Variants in GRID2 observed in about 807,000 individuals in gnomAD.
GRID2 encodes the protein glutamate receptor ionotropic, delta-2.
Under a neutral mutation model 114.8 loss-of-function variants are expected in GRID2, and 33 were observed. The ratio of observed to expected loss-of-function variants is 0.29; its 90% CI spans 0.22 to 0.38. GRID2 has a LOEUF of 0.38. GRID2 is among the 10% of genes least tolerant of loss of function. The probability of loss-of-function intolerance (pLI) is 1.00; values close to 1 mark genes in which losing one functional copy is unlikely to be tolerated. For synonymous variants in GRID2, 505 were observed against 449.9 expected (o/e 1.12, Z -1.55); for missense variants, 1,184 against 1,257.7 (o/e 0.94, Z 0.89).
chr4:93,543,073 G>A (rs6532413), intron 13 of GRID2, among the ~76,000 whole-genome samples: 1 of 152,110 alleles, frequency 6.6e-6, no homozygotes, highest in Non-Finnish European at 1.5e-5. Context: ...TCACTGATTC[G>A]CACTGCATCC....
intron 1 of GRID2, among the ~76,000 whole-genome samples, chr4:92,322,876 T>C (rs1337442779): frequency 2.6e-5 from 4 of 152,142 alleles, no homozygotes; most frequent in Non-Finnish European, 5.9e-5. Flanking sequence ...AAAGGACAAA[T>C]AGCTAAGTAT....
At chr4:93,322,812 T>C (rs568855004) in intron 8 of GRID2, among the ~76,000 whole-genome samples, 2 of 152,326 alleles carry the variant, frequency 1.3e-5, no homozygotes, top group East Asian at 1.9e-4. Flanking sequence ...ATGAGCATTT[T>C]TTCATGTGTT....
intron 7 of GRID2, among the ~76,000 whole-genome samples, chr4:93,232,492 C>G (rs1746262814): frequency 6.8e-6 from 1 of 146,742 alleles, no homozygotes; most frequent in Admixed American, 6.9e-5. Context: ...ATATGTTGAG[C>G]CCAACATATA....
chr4:92,426,772 T>G (rs1041554547), intron 1 of GRID2, among the ~76,000 whole-genome samples: 6 of 152,156 alleles, frequency 3.9e-5, no homozygotes, highest in Non-Finnish European at 8.8e-5. Context: ...CATTTGTTCA[T>G]GGACCTGAAG....
intron 1 of GRID2, among the ~76,000 whole-genome samples, chr4:92,406,421 A>G (rs1043229239): frequency 6.6e-6 from 1 of 152,160 alleles, no homozygotes. Context: ...TAATGATTTC[A>G]TTTTAGAAAA....
At chr4:92,600,044 G>GTGTATATATATATATA (rs1206780169) in intron 2 of GRID2, among the ~76,000 whole-genome samples, 9 of 54,430 alleles carry the variant, frequency 1.7e-4, no homozygotes, top group Non-Finnish European at 2.4e-4. Flanking sequence ...GTGTGTGTGT[G>GTGTATATATATATATA]TATATATATA....
intron 11 of GRID2, among the ~76,000 whole-genome samples, chr4:93,471,698 A>ATTTTTTTTTTTTTTCTTTTTTTTTTTT (rs1724816579): frequency 1.6e-5 from 1 of 61,008 alleles, no homozygotes; most frequent in Non-Finnish European, 3.2e-5. Flanking sequence ...CCTGAATTCA[A>ATTTTTTTTTTTTTTCTTTTTTTTTTTT]TTTTTTTTTT....
chr4:93,580,772 T>G (rs2149593638), intron 13 of GRID2, among the ~76,000 whole-genome samples: 1 of 151,926 alleles, frequency 6.6e-6, no homozygotes, highest in Admixed American at 6.6e-5. Context: ...TTCTTTTTTT[T>G]GGTATTGGTA....
chr4:92,638,498 A>T (rs1307227851), intron 2 of GRID2, among the ~76,000 whole-genome samples: 11 of 147,850 alleles, frequency 7.4e-5, no homozygotes, highest in Non-Finnish European at 1.5e-5. Context: ...ATAAAATTTT[A>T]TATATATAGC....
intron 14 of GRID2, among the ~76,000 whole-genome samples, chr4:93,661,447 C>T (rs557392188): frequency 1.3e-5 from 2 of 152,212 alleles, no homozygotes; most frequent in East Asian, 1.9e-4. Flanking sequence ...TCTGATACTC[C>T]TAAGTGCAAG....
chr4:92,444,515 T>G (rs918562433), intron 1 of GRID2, among the ~76,000 whole-genome samples: 1 of 152,118 alleles, frequency 6.6e-6, no homozygotes, highest in Non-Finnish European at 1.5e-5. Context: ...ACACTTCTTT[T>G]GTGGTGGAAT....
intron 2 of GRID2, among the ~76,000 whole-genome samples, chr4:92,764,716 T>C (rs1738179316): frequency 5.3e-5 from 8 of 152,240 alleles, no homozygotes; most frequent in Admixed American, 5.2e-4. Context: ...ATGAGCAGGA[T>C]CCATGTCTTC....
chr4:93,529,782 C>T (rs2149511986), intron 13 of GRID2, among the ~76,000 whole-genome samples: 1 of 152,208 alleles, frequency 6.6e-6, no homozygotes, highest in South Asian at 2.1e-4. Flanking sequence ...AGGGGCATAT[C>T]AAGTGGCAAA....
chr4:92,371,393 C>T (rs1427217061), intron 1 of GRID2, among the ~76,000 whole-genome samples: 1 of 152,122 alleles, frequency 6.6e-6, no homozygotes, highest in Non-Finnish European at 1.5e-5. Context: ...GGCTGACTCT[C>T]ATGTTAGGGG....
At position 92,598,319 on chromosome 4, in the gene GRID2, A is replaced by G. The variant is rs1194832060; in HGVS notation, c.244+8033A>G. 2.6e-5 allele frequency among the ~76,000 whole-genome samples: 4 copies of G among 152,234 alleles called. No individual in the cohort carries two copies. The East Asian group carries it at 5.8e-4, about 22-fold the overall frequency. On this transcript the variant is annotated intron_variant, in intron 2 of 15. Coordinates refer to ENST00000282020, the MANE Select transcript of GRID2 (RefSeq NM_001510.4). ...TCCATTGGCTGCCCTGTCGTCTTAC[A>G]TGGTTAATTTGGCCTTTACTCTGTA...
At chr4:93,803,579 G>A (rs867382350) in intron 1 of GRID2, among the ~76,000 whole-genome samples, 4 of 151,964 alleles carry the variant, frequency 2.6e-5, no homozygotes, top group Non-Finnish European at 5.9e-5. Flanking sequence ...AAAATTAGCC[G>A]GGCATGGTGG....
At chr4:93,295,919 G>A (rs1405684265) in intron 8 of GRID2, among the ~76,000 whole-genome samples, 1 of 152,210 alleles carries the variant, frequency 6.6e-6, no homozygotes, top group Non-Finnish European at 1.5e-5. Flanking sequence ...GTTGGATTTA[G>A]CTGCTAATTC....
intron 1 of GRID2, among the ~76,000 whole-genome samples, chr4:92,350,172 T>C (rs1727993914): frequency 6.6e-6 from 1 of 151,924 alleles, no homozygotes; most frequent in African/African-American, 2.4e-5. Flanking sequence ...TTTAGTATCA[T>C]GCATGTATTA....
intron 3 of GRID2, among the ~76,000 whole-genome samples, chr4:93,106,955 C>G (rs939112311): frequency 6.6e-6 from 1 of 152,262 alleles, no homozygotes; most frequent in Admixed American, 6.5e-5. Context: ...ATATACACAG[C>G]AAACACACAT....
Sources: allele counts gnomAD v4.1 joint callset (sites outside exome capture counted in the v4.1 genomes callset), GRCh38; gene constraint gnomAD v4.1.1; transcripts MANE v1.5; gene names NCBI Gene and HGNC (gene_info 2026-07-23, HGNC 2026-07-21).